The following FAM83B variants were observed in gnomAD, a reference collection of about 807,000 sequenced individuals.
FAM83B encodes the protein scaffolding CK1 anchoring protein B, also known as protein FAM83B.
A neutral mutation model predicts 38.8 loss-of-function variants in FAM83B; 26 were observed. The observed-to-expected ratio is 0.67, with a 90% CI of 0.49 to 0.93. The LOEUF is 0.93. FAM83B is among the 40% of genes least tolerant of loss of function. The pLI is 0.00. For missense variants in FAM83B, 1,237 were observed against 1,197.3 expected (o/e 1.03, Z -0.49); for synonymous variants, 419 against 423.1 (o/e 0.99, Z 0.12).
At chr6:54,916,766 A>C (rs920766683) in intron 2 of FAM83B, among the ~76,000 whole-genome samples, 2 of 152,164 alleles carry the variant, frequency 1.3e-5, no homozygotes, top group East Asian at 1.9e-4. Context: ...TACACAGATG[A>C]ATGTGGGCAG....
intron 2 of FAM83B, among the ~76,000 whole-genome samples, chr6:54,882,077 T>C (rs1045520469): frequency 7.9e-6 from 1 of 126,834 alleles, no homozygotes; most frequent in Non-Finnish European, 2.0e-5. Context: ...TCCATGTCCC[T>C]GCAAAGGACA....
At chr6:54,892,372 A>T (rs926160629) in intron 2 of FAM83B, among the ~76,000 whole-genome samples, 4 of 151,866 alleles carry the variant, frequency 2.6e-5, no homozygotes, top group Admixed American at 1.3e-4. Context: ...TTCATCACCC[A>T]GGTATTAAGC....
intron 4 of FAM83B, among the ~76,000 whole-genome samples, chr6:54,939,103 T>A (rs1773594499): frequency 6.6e-6 from 1 of 152,092 alleles, no homozygotes. Context: ...TCCAGTATCA[T>A]TTGTTGAATA....
At chr6:54,890,118 T>C (rs1772367721) in intron 2 of FAM83B, among the ~76,000 whole-genome samples, 1 of 152,118 alleles carries the variant, frequency 6.6e-6, no homozygotes, top group African/African-American at 2.4e-5. Flanking sequence ...AATAATTGTA[T>C]TGTAGAACAC....
rs765551195 is a variant in FAM83B at position 54,913,528 on chromosome 6, A to G, written c.445-12843A>G. Among the ~76,000 whole-genome samples the G allele has an allele frequency of 9.2e-5, 14 of 152,202 alleles. No individual in the cohort carries two copies. The South Asian group carries it at 1.0e-3, about 11-fold the overall frequency. On this transcript the variant is annotated intron_variant, in intron 2 of 4. Coordinates refer to ENST00000306858, the MANE Select transcript of FAM83B (RefSeq NM_001010872.3). ...TGGCAGATCCCAGATTGAAATAGAT[A>G]TACAGAGACAGACACTTGTGGAAGA...
chr6:54,864,632 A>G (rs1368207195), intron 1 of FAM83B, among the ~76,000 whole-genome samples: 3 of 152,204 alleles, frequency 2.0e-5, no homozygotes, highest in Non-Finnish European at 4.4e-5. Flanking sequence ...TGAATATTAT[A>G]GTCAATTTTT....
At position 54,941,147 on chromosome 6, in the gene FAM83B, A is replaced by C. The variant is rs754187974; in HGVS notation, c.2176A>C (p.Lys726Gln). The change falls in exon 5 of 5, where the codon AAG becomes CAG. Residue 726 changes from lysine to glutamine, a missense_variant. Lys to Gln is a moderately conservative substitution (Grantham distance 53). Transcript: ENST00000306858. ...GGAGGAGGATGAGGAGGAAGTTACC[A>C]AGAGAAACTCTCCAAGTGGCACTAC... is the stretch of plus-strand genomic sequence containing the variant. ...NLEEDEEEVTKRNSPSGTTTK... is the reference protein window; with the variant it reads ...NLEEDEEEVTQRNSPSGTTTK... 2 of 1,614,052 alleles carry C rather than the reference A, an allele frequency of 1.2e-6. No individual in the cohort carries two copies. The highest frequency in any genetic ancestry group is 2.2e-5 in the South Asian group (2 of 91,074).
intron 1 of FAM83B, among the ~76,000 whole-genome samples, chr6:54,847,307 G>T (rs868170706): frequency 2.0e-5 from 3 of 152,020 alleles, no homozygotes; most frequent in South Asian, 4.1e-4. Context: ...GAGAGCTTAG[G>T]TCGCTGAGGG....
At chr6:54,921,819 A>G (rs780994844) in intron 2 of FAM83B, among the ~76,000 whole-genome samples, 6 of 152,084 alleles carry the variant, frequency 3.9e-5, no homozygotes, top group African/African-American at 1.4e-4. Flanking sequence ...CAAGCATGTA[A>G]TAATTTCAGA....
chr6:54,869,998 G>A (rs1771805719), intron 1 of FAM83B, among the ~76,000 whole-genome samples, 189 bp from the exon 2 acceptor site: 1 of 152,150 alleles, frequency 6.6e-6, no homozygotes, highest in South Asian at 2.1e-4. Flanking sequence ...AGGGAAATCT[G>A]TGTAGCTTAT....
intron 2 of FAM83B, among the ~76,000 whole-genome samples, chr6:54,905,116 G>A (rs1772749891): frequency 6.6e-6 from 1 of 151,374 alleles, no homozygotes; most frequent in Admixed American, 6.8e-5. Flanking sequence ...TACTCAAAGA[G>A]CAAGAGGTGG....
At chr6:54,896,147 C>T (rs1256844296) in intron 2 of FAM83B, among the ~76,000 whole-genome samples, 2 of 152,070 alleles carry the variant, frequency 1.3e-5, no homozygotes, top group Non-Finnish European at 2.9e-5. Flanking sequence ...TGCTTGGCCT[C>T]CCAAAGTGCT....
At chr6:54,915,705 C>T (rs536000655) in intron 2 of FAM83B, among the ~76,000 whole-genome samples, 1 of 124,754 alleles carries the variant, frequency 8.0e-6, no homozygotes, top group East Asian at 2.0e-4. Context: ...ACTCGGGAGG[C>T]TGAGGCAGGA....
Position 54,927,551 on chromosome 6 carries a change from A to G in FAM83B, c.653A>G (p.Lys218Arg). Reference protein sequence around the residue: ...RTVKGQDYLSKTGAKFHGKME... With the variant: ...RTVKGQDYLSRTGAKFHGKME... ...GTAAAAGGCCAAGATTATCTTTCAA[A>G]AACAGGGGCAAAATTCCATGGAAAA... Residue 218 changes from lysine (K) to arginine (R), a missense_variant, in exon 4 of 5, where the codon AAA (lysine) becomes AGA (arginine). Lys to Arg is a conservative substitution (Grantham distance 26, BLOSUM62 2). Coordinates refer to ENST00000306858, the MANE Select transcript of FAM83B (RefSeq NM_001010872.3). 6.2e-7 allele frequency: 1 copy of G among 1,608,954 alleles called. No individual in the cohort carries two copies. The highest frequency in any genetic ancestry group is 1.1e-5 in the South Asian group (1 of 90,360).
intron 2 of FAM83B, among the ~76,000 whole-genome samples, chr6:54,881,356 CAGTA>C (rs1249066616): frequency 1.3e-5 from 2 of 152,080 alleles, no homozygotes; most frequent in Non-Finnish European, 2.9e-5. Flanking sequence ...GTGTAATCAT[CAGTA>C]AGAAAAATTG....
intron 2 of FAM83B, among the ~76,000 whole-genome samples, chr6:54,897,611 C>T (rs1245610838): frequency 1.3e-5 from 2 of 152,072 alleles, no homozygotes; most frequent in Admixed American, 1.3e-4. Flanking sequence ...TGTTTAATCT[C>T]TTATTGGGTA....
chr6:54,891,796 A>C (rs1000601870), intron 2 of FAM83B, among the ~76,000 whole-genome samples: 1 of 152,088 alleles, frequency 6.6e-6, no homozygotes, highest in Admixed American at 6.6e-5. Flanking sequence ...CACTTTTGTC[A>C]TCAGGCACTG....
At chr6:54,901,737 C>T (rs1215949122) in intron 2 of FAM83B, among the ~76,000 whole-genome samples, 4 of 152,134 alleles carry the variant, frequency 2.6e-5, no homozygotes, top group South Asian at 2.1e-4. Flanking sequence ...ATTTTACATT[C>T]AGATAATTTT....
Position 54,943,968 on chromosome 6 carries a change from T to C in FAM83B, c.*1961T>C, listed in dbSNP as rs1773754651. 1 of 152,226 alleles carries C rather than the reference T, an allele frequency of 6.6e-6. No homozygotes were observed. The highest frequency in any genetic ancestry group is 6.5e-5 in the Admixed American group (1 of 15,276). The allele number at this position is 152,226 out of a possible 1,614,324, so 9.4% of individuals were successfully genotyped here. A position where few individuals can be genotyped will look rare whatever the true frequency, so the allele number is the denominator to read the frequency against. ...TAGTTTGTGAGCTCTTCCTCTTCAGTGGAATTGAGGAATACAGAATGCTTT... is the reference window on the plus strand; with the variant it reads ...TAGTTTGTGAGCTCTTCCTCTTCAGCGGAATTGAGGAATACAGAATGCTTT... On this transcript the variant is annotated 3_prime_UTR_variant, in exon 5 of 5. Transcript: ENST00000306858.
Sources: allele counts gnomAD v4.1 joint callset (sites outside exome capture counted in the v4.1 genomes callset), GRCh38; gene constraint gnomAD v4.1.1; transcripts MANE v1.5; gene names NCBI Gene and HGNC (gene_info 2026-07-23, HGNC 2026-07-21).